The following ZNF100 variants were observed in gnomAD, a reference collection of about 807,000 sequenced individuals.
ZNF100 encodes zinc finger protein 100 (Y1).
In ZNF100, 12 loss-of-function variants were observed where a neutral mutation model predicts 15.8. That is an observed-to-expected ratio of 0.76 (90% CI 0.49 to 1.23). ZNF100 has a LOEUF of 1.23. ZNF100 is among the 50% of genes most tolerant of loss of function. The pLI is 0.00. For missense variants in ZNF100, 670 were observed against 635.6 expected, an observed-to-expected ratio of 1.05 and a Z score of -0.58; for synonymous variants, 226 against 214.8, an observed-to-expected ratio of 1.05 and a Z score of -0.45.
chr19:21,760,754 G>GTTTTTT (rs59317162), intron 2 of ZNF100, among the ~76,000 whole-genome samples: 4 of 102,094 alleles, frequency 3.9e-5, no homozygotes, highest in African/African-American at 1.1e-4. Context: ...GAACTTTCTT[G>GTTTTTT]TTTTTTTTTT....
chr19:21,751,282 A>C, intron 2 of ZNF100: 2 of 1,030,838 alleles, frequency 1.9e-6, no homozygotes. Context: ...ATGTGACCTT[A>C]GAAATATATT....
Position 21,723,849 on chromosome 19 carries a change from T to C in ZNF100, c.*2834A>G, listed in dbSNP as rs574863094. ...TTGACTCAATAAATAAATTTACTTATGTCAACTATAAAAAGTGAAAAGAAA... is the reference window on the plus strand; with the variant it reads ...TTGACTCAATAAATAAATTTACTTACGTCAACTATAAAAAGTGAAAAGAAA... On this transcript the variant is annotated 3_prime_UTR_variant, in exon 5 of 5. Transcript: ENST00000358296. 2.6e-5 allele frequency: 4 copies of C among 152,324 alleles called. No individual in the cohort carries two copies. The highest frequency in any genetic ancestry group is 4.8e-5 in the African/African-American group (2 of 41,584). The allele number at this position is 152,324 out of a possible 1,614,324, so 9.4% of individuals were successfully genotyped here. A position where few individuals can be genotyped will look rare whatever the true frequency, so the allele number is the denominator to read the frequency against.
chr19:21,739,575 A>C (rs1199584018), intron 4 of ZNF100, among the ~76,000 whole-genome samples: 7 of 152,170 alleles, frequency 4.6e-5, no homozygotes, highest in Non-Finnish European at 1.0e-4. Context: ...ACAACAAATA[A>C]ATTTAAGAAG....
intron 4 of ZNF100, among the ~76,000 whole-genome samples, chr19:21,733,771 C>A (rs1200001502): frequency 4.7e-5 from 2 of 42,702 alleles, no homozygotes; most frequent in South Asian, 7.5e-4. Context: ...ACCACCCCAC[C>A]AACAGGCATT....
Position 21,724,048 on chromosome 19 carries a change from T to A in ZNF100, c.*2635A>T, listed in dbSNP as rs1183371800. ...ACCAGCTCACATAATGAATACTTCA[T>A]AATCTGTAAAATATTTATATGAAAA... is the stretch of plus-strand genomic sequence containing the variant. On this transcript the variant is annotated 3_prime_UTR_variant, in exon 5 of 5. Coordinates refer to ENST00000358296, the MANE Select transcript of ZNF100 (RefSeq NM_173531.4). 6.6e-6 allele frequency: 1 copy of A among 152,194 alleles called. No homozygotes were observed. Among genetic ancestry groups the A allele is most frequent in the African/African-American group, 2.4e-5 (1 of 41,458 alleles). The allele number at this position is 152,194 out of a possible 1,614,324, so 9.4% of individuals were successfully genotyped here.
At chr19:21,737,622 A>C (rs759597323) in intron 4 of ZNF100, among the ~76,000 whole-genome samples, 3 of 152,078 alleles carry the variant, frequency 2.0e-5, no homozygotes. Flanking sequence ...AAACTGGAAA[A>C]TCTAGAAGAA....
chr19:21,749,856 T>C (rs1256364122), intron 2 of ZNF100, among the ~76,000 whole-genome samples: 5 of 152,198 alleles, frequency 3.3e-5, no homozygotes, highest in East Asian at 1.9e-4. Context: ...TGGTTTTCAG[T>C]ACATTCTCAA....
rs1181033752 is a variant in ZNF100, at chr19:21,723,264, G to A, written c.*3419C>T. Reference sequence around the variant, plus strand: ...AATCCCAGCTACTTGGGAGGCTGAGGCAGGATAATTGCTTGAACCTGGAAG... The same window carrying A: ...AATCCCAGCTACTTGGGAGGCTGAGACAGGATAATTGCTTGAACCTGGAAG... On this transcript the variant is annotated 3_prime_UTR_variant, in exon 5 of 5. Transcript: ENST00000358296. The A allele has an allele frequency of 1.3e-5, 2 of 150,632 alleles. No individual in the cohort carries two copies. The highest frequency in any genetic ancestry group is 1.5e-5 in the Non-Finnish European group (1 of 67,896). The allele number at this position is 150,632 out of a possible 1,614,324, so 9.3% of individuals were successfully genotyped here.
At chr19:21,737,307 C>A (rs2036025169) in intron 4 of ZNF100, among the ~76,000 whole-genome samples, 1 of 151,870 alleles carries the variant, frequency 6.6e-6, no homozygotes. Flanking sequence ...GGGTGGATCA[C>A]CTGAGGTCAG....
chr19:21,725,139 T>TTAAG lies in ZNF100; in HGVS notation c.*1543_*1544insCTTA. On this transcript the variant is annotated 3_prime_UTR_variant, in exon 5 of 5. Transcript: ENST00000358296. ...CAGTCAAAGCCACTAGCAAAAGAGA[T>TTAAG]TACTAGAGATGTTAATCCATTATGT... 2 of 152,134 alleles carry TTAAG rather than the reference T, an allele frequency of 1.3e-5. 1 individual carries two copies. Among genetic ancestry groups the TTAAG allele is most frequent in the South Asian group, 4.2e-4 (2 of 4,816 alleles). 9.4% of individuals were successfully genotyped at this position (152,134 alleles called of 1,614,324 possible). A position where few individuals can be genotyped will look rare whatever the true frequency, so the allele number is the denominator to read the frequency against.
chr19:21,742,032 C>T (rs1445245135), intron 4 of ZNF100, among the ~76,000 whole-genome samples: 2 of 151,990 alleles, frequency 1.3e-5, no homozygotes, highest in Non-Finnish European at 2.9e-5. Flanking sequence ...CGCGGTGGCC[C>T]ATGCTGTAAT....
At chr19:21,738,172 AC>A (rs1463098117) in intron 4 of ZNF100, among the ~76,000 whole-genome samples, 1 of 133,794 alleles carries the variant, frequency 7.5e-6, no homozygotes, top group African/African-American at 2.7e-5. Flanking sequence ...AACTGCTTGA[AC>A]CCAGGAGGTG....
chr19:21,762,638 G>A (rs947912162), intron 2 of ZNF100, among the ~76,000 whole-genome samples: 1 of 152,130 alleles, frequency 6.6e-6, no homozygotes, highest in Non-Finnish European at 1.5e-5. Flanking sequence ...TCAGCATGAA[G>A]TAGTAACAGA....
At chr19:21,738,816 G>A (rs2036057048) in intron 4 of ZNF100, among the ~76,000 whole-genome samples, 2 of 152,028 alleles carry the variant, frequency 1.3e-5, no homozygotes, top group Admixed American at 6.6e-5. Context: ...CATGGTGGCG[G>A]GTGCCTATAT....
chr19:21,746,762 T>C (rs2036217823), intron 2 of ZNF100: 1 of 152,078 alleles, frequency 6.6e-6, no homozygotes, highest in African/African-American at 2.4e-5. Context: ...TTGCAAATAC[T>C]AAATGCATGA....
At chr19:21,728,505 A>T (rs2035855806) in intron 4 of ZNF100, among the ~76,000 whole-genome samples, 1 of 152,124 alleles carries the variant, frequency 6.6e-6, no homozygotes, top group South Asian at 2.1e-4. Flanking sequence ...GCTGTACCAC[A>T]GACAGAAAAC....
At chr19:21,743,891 C>T (rs1322603958) in intron 4 of ZNF100, 126 bp downstream of exon 4, 1 of 440,110 alleles carries the variant, frequency 2.3e-6, no homozygotes, top group Non-Finnish European at 3.5e-6. Flanking sequence ...AAAACAAAAA[C>T]ACTCAGGCAT....
In ZNF100 at chr19:21,723,603, C is replaced by T. The variant is rs2145671093; in HGVS notation, c.*3080G>A. On this transcript the variant is annotated 3_prime_UTR_variant, in exon 5 of 5. Coordinates refer to ENST00000358296, the MANE Select transcript of ZNF100 (RefSeq NM_173531.4). ...ATTCAGCAAGATTCAGCATTGCAGC[C>T]TGGAAACTATGTCCTCTCCACATGA... is the stretch of plus-strand genomic sequence containing the variant. 6.6e-6 allele frequency: 1 copy of T among 152,184 alleles called. No homozygotes were observed. Among genetic ancestry groups the T allele is most frequent in the East Asian group, 1.9e-4 (1 of 5,178 alleles). 9.4% of individuals were successfully genotyped at this position (152,184 alleles called of 1,614,324 possible).
intron 4 of ZNF100, among the ~76,000 whole-genome samples, chr19:21,728,246 A>ATT (rs1227312667): frequency 1.3e-5 from 2 of 151,988 alleles, no homozygotes; most frequent in African/African-American, 4.8e-5. Context: ...AAGTCTGTAC[A>ATT]TTTACCCAAC....
Sources: allele counts gnomAD v4.1 joint callset (sites outside exome capture counted in the v4.1 genomes callset), GRCh38; gene constraint gnomAD v4.1.1; transcripts MANE v1.5; gene names NCBI Gene and HGNC (gene_info 2026-07-23, HGNC 2026-07-21).